The following ING4 variants were observed in gnomAD, a reference collection of about 807,000 sequenced individuals.
ING4 encodes the protein inhibitor of growth family member 4, also known as inhibitor of growth protein 4.
ING4 carries 28 observed loss-of-function variants against 33.1 expected under a neutral mutation model. The observed-to-expected ratio is 0.85, with a 90% CI of 0.63 to 1.16. The LOEUF is 1.16. ING4 is among the 50% of genes most tolerant of loss of function. The pLI, the probability that ING4 is intolerant of heterozygous loss-of-function variation, is 0.00. For synonymous variants in ING4, 87 were observed against 104.4 expected (o/e 0.83, Z 1.02); for missense variants, 247 against 314.7 (o/e 0.78, Z 1.63).
chr12:6,651,821 C>T (rs1019243970), intron 6 of ING4, among the ~76,000 whole-genome samples: 1 of 145,508 alleles, frequency 6.9e-6, no homozygotes, highest in Non-Finnish European at 1.5e-5. Flanking sequence ...GGATTACAGG[C>T]GTGAGCCACA....
intron 2 of ING4, chr12:6,655,842 A>T (rs1454960649): frequency 1.5e-5 from 7 of 456,666 alleles, no homozygotes; most frequent in Non-Finnish European, 1.3e-5. Flanking sequence ...ACATCTTTGA[A>T]GAAACCAAGT....
chr12:6,656,521 G>C (rs1432676330), intron 2 of ING4: 4 of 478,302 alleles, frequency 8.4e-6, no homozygotes, highest in Non-Finnish European at 1.5e-5. Context: ...AATTCTTGAG[G>C]CGTTTTCACA....
At chr12:6,652,547 A>C (rs558513493) in intron 5 of ING4, 115 bp downstream of exon 5, 20 of 1,370,914 alleles carry the variant, frequency 1.5e-5, no homozygotes, top group Non-Finnish European at 2.0e-5. Flanking sequence ...CCAAAATGAT[A>C]AGAAGAGTTC....
intron 2 of ING4, among the ~76,000 whole-genome samples, chr12:6,653,769 C>T (rs1353919711): frequency 6.6e-6 from 1 of 152,240 alleles, no homozygotes; most frequent in African/African-American, 2.4e-5. Context: ...TTCTCAAAAA[C>T]ATCCCACAGC....
At chr12:6,659,005 T>C (rs1949460826) in intron 1 of ING4, among the ~76,000 whole-genome samples, 1 of 152,230 alleles carries the variant, frequency 6.6e-6, no homozygotes, top group African/African-American at 2.4e-5. Context: ...GCCTATTAAA[T>C]TCCTGTTCGT....
chr12:6,658,625 T>G (rs1949447350), intron 1 of ING4, among the ~76,000 whole-genome samples: 1 of 151,794 alleles, frequency 6.6e-6, no homozygotes, highest in Admixed American at 6.6e-5. Flanking sequence ...GGTGGACATT[T>G]CAGTGAGCCG....
intron 1 of ING4, among the ~76,000 whole-genome samples, chr12:6,661,653 T>C (rs963283904): frequency 6.6e-6 from 1 of 151,724 alleles, no homozygotes; most frequent in African/African-American, 2.4e-5. Context: ...CTCAAACTCC[T>C]GACCTCAAGT....
intron 2 of ING4, among the ~76,000 whole-genome samples, chr12:6,656,270 G>A (rs568970600): frequency 6.6e-6 from 1 of 151,670 alleles, no homozygotes; most frequent in Non-Finnish European, 1.5e-5. Flanking sequence ...CCACCTCCCA[G>A]GTTCAAACGA....
intron 2 of ING4, 85 bp downstream of exon 2, chr12:6,656,642 T>C: frequency 3.8e-6 from 3 of 783,378 alleles, no homozygotes; most frequent in Non-Finnish European, 4.2e-6. Context: ...CTCCAGATCA[T>C]ACCAGATGAT....
intron 1 of ING4, chr12:6,657,929 C>CA (rs755046894): frequency 2.6e-3 from 186 of 72,662 alleles, no homozygotes; most frequent in African/African-American, 2.8e-3. Flanking sequence ...ACTCTGTCTC[C>CA]AAAAAAAAAA....
chr12:6,661,200 C>A (rs894068953), intron 1 of ING4, among the ~76,000 whole-genome samples: 1 of 151,320 alleles, frequency 6.6e-6, no homozygotes, highest in African/African-American at 2.4e-5. Flanking sequence ...CAGGTTCAAG[C>A]GATTCTCCTG....
intron 3 of ING4, 75 bp downstream of exon 3, chr12:6,653,155 A>G (rs1056127827): frequency 6.9e-6 from 11 of 1,599,432 alleles, no homozygotes; most frequent in Admixed American, 3.4e-5. Flanking sequence ...ACAGATCCCA[A>G]CACAGTTGAA....
chr12:6,662,144 G>A (rs1344249382), intron 1 of ING4, among the ~76,000 whole-genome samples: 1 of 151,980 alleles, frequency 6.6e-6, no homozygotes, highest in Non-Finnish European at 1.5e-5. Flanking sequence ...GTACCTTTGC[G>A]GATGCTTTCC....
At chr12:6,656,103 C>G (rs1001463927) in intron 2 of ING4, among the ~76,000 whole-genome samples, 1 of 151,970 alleles carries the variant, frequency 6.6e-6, no homozygotes, top group Admixed American at 6.6e-5. Context: ...TAGAAACATT[C>G]TAGTCATCCT....
intron 2 of ING4, among the ~76,000 whole-genome samples, chr12:6,654,666 C>A (rs1463043464): frequency 1.3e-5 from 2 of 151,868 alleles, no homozygotes; most frequent in Non-Finnish European, 2.9e-5. Flanking sequence ...ATCATTGCAA[C>A]TTCTTTCATT....
chr12:6,661,140 C>T (rs1949535144), intron 1 of ING4, among the ~76,000 whole-genome samples: 1 of 151,952 alleles, frequency 6.6e-6, no homozygotes, highest in South Asian at 2.1e-4. Context: ...CTCTGTTGCC[C>T]AGGCTGGAGT....
intron 2 of ING4, 110 bp downstream of exon 2, chr12:6,656,616 GA>G: frequency 1.4e-6 from 1 of 691,324 alleles, no homozygotes; most frequent in Non-Finnish European, 2.5e-6. Flanking sequence ...AAAAAGGAGC[GA>G]GAGAAGCCAC....
At chr12:6,660,532 C>G (rs1015003005) in intron 1 of ING4, among the ~76,000 whole-genome samples, 3 of 151,804 alleles carry the variant, frequency 2.0e-5, no homozygotes, top group Admixed American at 6.6e-5. Flanking sequence ...CACTTGAACC[C>G]GGGAGGCAGA....
chr12:6,655,567 C>A (rs1376202397), intron 2 of ING4: 2 of 1,089,884 alleles, frequency 1.8e-6, no homozygotes, highest in Non-Finnish European at 2.2e-6. Flanking sequence ...GTTCCATAAT[C>A]TCCAACTGTC....
Sources: gnomAD v4.1 joint callset for allele counts (sites outside exome capture counted in the v4.1 genomes callset) on GRCh38, gnomAD v4.1.1 for gene constraint, MANE v1.5 for transcripts, NCBI Gene and HGNC (gene_info 2026-07-23, HGNC 2026-07-21) for gene names.